The following KIF6 variants were observed in gnomAD, a reference collection of about 807,000 sequenced individuals.
KIF6 encodes kinesin-like protein KIF6.
In KIF6, 106 loss-of-function variants were observed where a neutral mutation model predicts 112.7. The ratio of observed to expected loss-of-function variants is 0.94; its 90% confidence interval spans 0.80 to 1.11. The LOEUF (loss-of-function observed/expected upper bound fraction) is 1.11, where lower values mean the gene tolerates loss of function less well. KIF6 is among the 50% of genes least tolerant of loss of function. The pLI is 0.00. For synonymous variants in KIF6, 339 were observed against 339.9 expected, an observed-to-expected ratio of 1.00 and a Z score of 0.03; for missense variants, 929 against 964.0, an observed-to-expected ratio of 0.96 and a Z score of 0.48.
At chr6:39,393,987 T>C (rs894006908) in intron 15 of KIF6, among the ~76,000 whole-genome samples, 3 of 152,192 alleles carry the variant, frequency 2.0e-5, no homozygotes, top group Non-Finnish European at 4.4e-5. Flanking sequence ...GCAAGAGCTT[T>C]ACATATACGT....
chr6:39,472,111 T>C (rs1267680597), intron 13 of KIF6, among the ~76,000 whole-genome samples: 1 of 152,200 alleles, frequency 6.6e-6, no homozygotes, highest in Non-Finnish European at 1.5e-5. Context: ...CAGCGTTCCT[T>C]GGCTCCATTT....
At chr6:39,697,112 G>C (rs1214607093) in intron 3 of KIF6, among the ~76,000 whole-genome samples, 1 of 152,114 alleles carries the variant, frequency 6.6e-6, no homozygotes, top group Non-Finnish European at 1.5e-5. Context: ...AGGTTTATCT[G>C]CCAAGTTTGT....
At chr6:39,369,953 C>T (rs556746235) in intron 16 of KIF6, among the ~76,000 whole-genome samples, 3 of 152,306 alleles carry the variant, frequency 2.0e-5, no homozygotes, top group African/African-American at 4.8e-5. Flanking sequence ...TGGGTCTGAC[C>T]CACAAGGTTC....
In KIF6 at chr6:39,332,612, C is replaced by A. The variant is rs1562097845; in HGVS notation, c.*3920G>T. Reference sequence around the variant, plus strand: ...GTTTCTCCACTCTGGCTGTTGGAAACATGAACTCTTCCCAACACAGTGTTA... The same window carrying A: ...GTTTCTCCACTCTGGCTGTTGGAAAAATGAACTCTTCCCAACACAGTGTTA... On this transcript the variant is annotated 3_prime_UTR_variant, in exon 23 of 23. Transcript: ENST00000287152. 6.6e-6 allele frequency: 1 copy of A among 152,224 alleles called. No homozygotes were observed. The highest frequency in any genetic ancestry group is 1.5e-5 in the Non-Finnish European group (1 of 68,042). The allele number at this position is 152,224 out of a possible 1,614,324, so 9.4% of individuals were successfully genotyped here.
At chr6:39,701,636 G>A (rs1788884247) in intron 3 of KIF6, among the ~76,000 whole-genome samples, 1 of 152,214 alleles carries the variant, frequency 6.6e-6, no homozygotes, top group African/African-American at 2.4e-5. Flanking sequence ...TAAAACAAAT[G>A]GACTGCACGA....
chr6:39,686,692 T>A (rs1787887965), intron 3 of KIF6, among the ~76,000 whole-genome samples: 1 of 152,168 alleles, frequency 6.6e-6, no homozygotes, highest in African/African-American at 2.4e-5. Context: ...TGTGAACAAA[T>A]CTGTCAAAAC....
At chr6:39,670,503 G>T (rs550356584) in intron 3 of KIF6, among the ~76,000 whole-genome samples, 1 of 152,268 alleles carries the variant, frequency 6.6e-6, no homozygotes, top group Non-Finnish European at 1.5e-5. Context: ...TTATTAAGTG[G>T]AAGTGGGTCA....
At chr6:39,602,264 G>A (rs538258117) in intron 6 of KIF6, among the ~76,000 whole-genome samples, 1 of 151,980 alleles carries the variant, frequency 6.6e-6, no homozygotes, top group African/African-American at 2.4e-5. Context: ...TTCTTTTATG[G>A]GGTGAAAATT....
intron 10 of KIF6, among the ~76,000 whole-genome samples, chr6:39,552,271 A>G (rs149996052): frequency 6.6e-6 from 1 of 152,308 alleles, no homozygotes; most frequent in African/African-American, 2.4e-5. Context: ...TAAGTGGAAA[A>G]AGAGCCCTTT....
intron 15 of KIF6, among the ~76,000 whole-genome samples, chr6:39,410,305 T>C (rs997836260): frequency 1.3e-5 from 2 of 152,266 alleles, no homozygotes; most frequent in Non-Finnish European, 2.9e-5. Flanking sequence ...TCAGCTGCTT[T>C]CTGAAAATGT....
intron 13 of KIF6, among the ~76,000 whole-genome samples, chr6:39,508,495 T>G (rs1227810317): frequency 6.6e-6 from 1 of 152,036 alleles, no homozygotes; most frequent in Non-Finnish European, 1.5e-5. Context: ...GGAGGAATGG[T>G]ACACTTCTGC....
At chr6:39,506,062 A>T (rs1435095128) in intron 13 of KIF6, among the ~76,000 whole-genome samples, 1 of 152,256 alleles carries the variant, frequency 6.6e-6, no homozygotes, top group Non-Finnish European at 1.5e-5. Context: ...GCATATGTTC[A>T]CTGCAGCACT....
At chr6:39,352,439 C>T (rs1432917043) in intron 19 of KIF6, among the ~76,000 whole-genome samples, 1 of 152,164 alleles carries the variant, frequency 6.6e-6, no homozygotes, top group Non-Finnish European at 1.5e-5. Flanking sequence ...TCATCCTTTC[C>T]TCCCTACAAG....
rs779814201 is a variant in KIF6 at position 39,346,132 on chromosome 6, CCTCTCT to C, written c.2231+338_2231+343del. 1.0e-3 allele frequency among the ~76,000 whole-genome samples: 28 copies of C among 26,936 alleles called. 1 individual carries two copies. The highest frequency in any genetic ancestry group is 0.059 in the Middle Eastern group (2 of 34). The allele number at this position is 26,936 out of a possible 152,430, so 17.7% of individuals were successfully genotyped here. ...CTCCCTCTCCCTCTCCCTCCCTCTC[CCTCTCT>C]CTCTCTCTCTCTCTCTCTCTCTCTT... On this transcript the variant is annotated intron_variant, in intron 20 of 22. Coordinates refer to ENST00000287152, the MANE Select transcript of KIF6 (RefSeq NM_145027.6).
chr6:39,586,410 G>A lies in KIF6; in HGVS notation c.847-6C>T, dbSNP rs1162356765. The A allele has an allele frequency of 3.7e-6, 6 of 1,612,990 alleles. No homozygotes were observed. Among genetic ancestry groups the A allele is most frequent in the Admixed American group, 1.7e-5 (1 of 59,964 alleles). On this transcript the variant is annotated splice_polypyrimidine_tract_variant and splice_region_variant and intron_variant, in intron 7 of 22. Transcript: ENST00000287152. ...TCTGAAAGGGCAATGATAACCTGTG[G>A]TAAAGTAGAAAGATAATGGGATTAA...
intron 13 of KIF6, among the ~76,000 whole-genome samples, chr6:39,528,680 T>A (rs6942355): frequency 2.0e-5 from 3 of 152,024 alleles, no homozygotes; most frequent in Non-Finnish European, 4.4e-5. Context: ...CAGGTGTGAC[T>A]TGGTATCTTA....
intron 3 of KIF6, among the ~76,000 whole-genome samples, chr6:39,654,590 C>T (rs1785660770): frequency 6.6e-6 from 1 of 152,148 alleles, no homozygotes; most frequent in Non-Finnish European, 1.5e-5. Flanking sequence ...TTCATAAATG[C>T]ATGAATTAAC....
At chr6:39,700,901 A>G (rs1203117901) in intron 3 of KIF6, among the ~76,000 whole-genome samples, 2 of 152,050 alleles carry the variant, frequency 1.3e-5, no homozygotes, top group East Asian at 3.9e-4. Context: ...TTTAGTAGAG[A>G]CAGGGCCAAG....
chr6:39,497,095 A>C (rs909852988), intron 13 of KIF6, among the ~76,000 whole-genome samples: 1 of 152,236 alleles, frequency 6.6e-6, no homozygotes, highest in African/African-American at 2.4e-5. Context: ...GCTGGACTCC[A>C]CTAAAAGTGG....
Sources: allele counts gnomAD v4.1 joint callset (sites outside exome capture counted in the v4.1 genomes callset), GRCh38; gene constraint gnomAD v4.1.1; transcripts MANE v1.5; gene names NCBI Gene and HGNC (gene_info 2026-07-23, HGNC 2026-07-21).